The following ESPN variants were observed in gnomAD, a reference collection of about 807,000 sequenced individuals.
ESPN encodes espin.
In ESPN, 68 loss-of-function variants were observed where a neutral mutation model predicts 77.7. That is an observed-to-expected ratio of 0.87 (90% CI 0.72 to 1.07). The LOEUF is 1.07. Among genes scored for constraint, ESPN ranks in the 50% least tolerant of loss-of-function variants. ESPN has a pLI of 0.00. For missense variants in ESPN, 1,060 were observed against 1,239.0 expected (o/e 0.86, Z 2.17); for synonymous variants, 449 against 567.1 (o/e 0.79, Z 2.96).
chr1:6,455,691 G>A (rs1446862948), intron 10 of ESPN: 5 of 399,096 alleles, frequency 1.3e-5, no homozygotes, highest in Admixed American at 8.8e-5. Flanking sequence ...CCTGAGCCGC[G>A]AGGAGCGCAA....
chr1:6,436,482 CTTATTTAT>C (rs59014273), intron 2 of ESPN, among the ~76,000 whole-genome samples: 4,549 of 145,110 alleles, frequency 0.031, 139 homozygotes, highest in Admixed American at 0.085. Context: ...GGAATTTTTT[CTTATTTAT>C]TTATTTATTT....
At chr1:6,431,996 CA>C (rs1643271922) in intron 2 of ESPN, among the ~76,000 whole-genome samples, 1 of 152,200 alleles carries the variant, frequency 6.6e-6, no homozygotes, top group African/African-American at 2.4e-5. Flanking sequence ...TGGCCTTGAG[CA>C]GGCTGTACCT....
intron 3 of ESPN, 83 bp from the exon 4 acceptor site, chr1:6,440,543 G>C (rs1643589031): frequency 1.0e-5 from 9 of 893,530 alleles, no homozygotes; most frequent in Admixed American, 5.1e-5. Flanking sequence ...GGGGGCGGGG[G>C]CGGGCCACGG....
At chr1:6,431,197 C>T (rs1218545762) in intron 2 of ESPN, among the ~76,000 whole-genome samples, 1 of 152,218 alleles carries the variant, frequency 6.6e-6, no homozygotes, top group Non-Finnish European at 1.5e-5. Flanking sequence ...CTCGTGGGTG[C>T]TGCCAGTCAC....
At chr1:6,455,551 C>CG (rs1644039512) in intron 10 of ESPN, 1 of 398,640 alleles carries the variant, frequency 2.5e-6, no homozygotes, top group Non-Finnish European at 4.4e-6. Context: ...CCGGCAAGCC[C>CG]GGGCCTGGCG....
chr1:6,460,195 C>A lies in ESPN; in HGVS notation c.*49C>A. 1 of 1,589,576 alleles carries A rather than the reference C, an allele frequency of 6.3e-7. No homozygotes were observed. The highest frequency in any genetic ancestry group is 8.6e-7 in the Non-Finnish European group (1 of 1,164,918). On this transcript the variant is annotated 3_prime_UTR_variant, in exon 13 of 13. Coordinates refer to ENST00000645284, the MANE Select transcript of ESPN (RefSeq NM_031475.3). ...CCTCGCAGCTCCGTGGGGCCCTCCG[C>A]CCCAGCCCCAGCCAGCCAGGCCCTG... is the stretch of plus-strand genomic sequence containing the variant.
At chr1:6,435,758 C>A (rs1055090472) in intron 2 of ESPN, among the ~76,000 whole-genome samples, 11 of 152,238 alleles carry the variant, frequency 7.2e-5, no homozygotes, top group Non-Finnish European at 1.6e-4. Flanking sequence ...CTGGACACTC[C>A]AGGCCAGCCA....
chr1:6,426,029 G>C (rs1187729714), intron 1 of ESPN, among the ~76,000 whole-genome samples: 1 of 152,258 alleles, frequency 6.6e-6, no homozygotes, highest in African/African-American at 2.4e-5. Context: ...GGCCAGGCCA[G>C]AGAGTATCAT....
chr1:6,441,146 C>G (rs1643624475), intron 5 of ESPN, 81 bp downstream of exon 5: 2 of 1,545,916 alleles, frequency 1.3e-6, no homozygotes, highest in Non-Finnish European at 1.8e-6. Flanking sequence ...CCCCTTTTAC[C>G]AAGGAGGAAG....
chr1:6,440,517 A>G, intron 3 of ESPN, 77 bp downstream of exon 3: 1 of 385,312 alleles, frequency 2.6e-6, no homozygotes, highest in Non-Finnish European at 3.3e-6. Flanking sequence ...GAGCGGGGCC[A>G]TCAGGGGTGG....
chr1:6,456,626 C>T, intron 10 of ESPN: 1 of 205,352 alleles, frequency 4.9e-6, no homozygotes, highest in Non-Finnish European at 9.8e-6. Context: ...GTGTACAGAC[C>T]CGTTCTCCTC....
chr1:6,436,306 A>G (rs1194586322), intron 2 of ESPN, among the ~76,000 whole-genome samples: 1 of 152,030 alleles, frequency 6.6e-6, no homozygotes, highest in Non-Finnish European at 1.5e-5. Flanking sequence ...GTACCAGGAG[A>G]ACAATGCTAA....
At chr1:6,452,178 A>G in intron 10 of ESPN, 82 bp downstream of exon 10, 1 of 1,364,346 alleles carries the variant, frequency 7.3e-7, no homozygotes, top group Non-Finnish European at 9.7e-7. Flanking sequence ...CCCAACCCCA[A>G]CCTCGGGACC....
chr1:6,426,238 C>T (rs899659184), intron 1 of ESPN, among the ~76,000 whole-genome samples: 5 of 152,244 alleles, frequency 3.3e-5, no homozygotes, highest in South Asian at 4.1e-4. Flanking sequence ...GCAAGCCCCT[C>T]TTCCCACCCT....
In ESPN at chr1:6,460,067, C is replaced by T. The variant is rs147707189; in HGVS notation, c.2486C>T (p.Thr829Met). 191 of 1,613,512 alleles carry T rather than the reference C, an allele frequency of 1.2e-4. 1 individual carries two copies. In the African/African-American group the frequency reaches 2.2e-3, roughly 19 times the overall value. Residue 829 changes from threonine (T) to methionine (M), a missense_variant, in exon 13 of 13, where the codon ACG (threonine) becomes ATG (methionine). Transcript: ENST00000645284. ...AAGGAACAGTCAGAGAAGCTGCGGACGCTGGGCTACGATGAGAGCAAGCTG... is the reference window on the plus strand; with the variant it reads ...AAGGAACAGTCAGAGAAGCTGCGGATGCTGGGCTACGATGAGAGCAAGCTG... ...REKEQSEKLR[T>M]LGYDESKLAP...
At chr1:6,454,325 G>C (rs911393310) in intron 10 of ESPN, 42 of 398,048 alleles carry the variant, frequency 1.1e-4, no homozygotes, top group Non-Finnish European at 1.5e-4. Flanking sequence ...ACGCAGCCCC[G>C]CGGAGCCATT....
intron 5 of ESPN, 48 bp from the exon 6 acceptor site, chr1:6,444,433 G>A (rs142939900): frequency 5.8e-4 from 926 of 1,592,354 alleles, no homozygotes; most frequent in Non-Finnish European, 7.4e-4. Flanking sequence ...GGAGAGCAAC[G>A]CATCTTGGGG....
rs77249271 is a variant in ESPN at position 6,447,239 on chromosome 1, A to G, written c.1464+1304A>G. 6.6e-6 allele frequency: 1 copy of G among 151,030 alleles called. No individual in the cohort carries two copies. The highest frequency in any genetic ancestry group is 2.5e-5 in the African/African-American group (1 of 40,790). 9.4% of individuals were successfully genotyped at this position (151,030 alleles called of 1,614,324 possible). A position where few individuals can be genotyped will look rare whatever the true frequency, so the allele number is the denominator to read the frequency against. On this transcript the variant is annotated intron_variant, in intron 7 of 12. Coordinates refer to ENST00000645284, the MANE Select transcript of ESPN (RefSeq NM_031475.3). This position sits in a 1 kb window ranked among gnomAD's most constrained non-coding sequence, Gnocchi z 5.2. ...GCGCCCCTCCCGGCTATGTGCGTCC[A>G]TCTCGGCCGTGTGCGTGCTGGGCCG...
At position 6,454,296 on chromosome 1, in the gene ESPN, A is replaced by G. The variant is rs573918876; in HGVS notation, c.2325+2200A>G. The G allele has an allele frequency of 2.5e-5, 10 of 397,302 alleles. No individual in the cohort carries two copies. In the South Asian group the frequency reaches 1.4e-3, roughly 56 times the overall value. The allele number at this position is 397,302 out of a possible 1,614,324, so 24.6% of individuals were successfully genotyped here. On this transcript the variant is annotated intron_variant, in intron 10 of 12. Transcript: ENST00000645284. ...CCCAGCGTCACCCCCCGCCGGCCAG[A>G]CGCGGTCCCTCCCTGCAGACGCAGC...
Sources: allele counts gnomAD v4.1 joint callset (sites outside exome capture counted in the v4.1 genomes callset), GRCh38; gene constraint gnomAD v4.1.1; non-coding constraint Gnocchi (gnomAD v3.1); transcripts MANE v1.5; gene names NCBI Gene and HGNC (gene_info 2026-07-23, HGNC 2026-07-21).